The following CNGB3 variants were observed in gnomAD, a reference collection of about 807,000 sequenced individuals.
CNGB3 encodes cyclic nucleotide-gated channel beta-3.
Under a neutral mutation model 92.8 loss-of-function variants are expected in CNGB3, and 86 were observed. The observed-to-expected ratio is 0.93, with a 90% CI of 0.78 to 1.11. The LOEUF (loss-of-function observed/expected upper bound fraction) is 1.11. Among genes scored for constraint, CNGB3 ranks in the 50% least tolerant of loss-of-function variants. CNGB3 has a pLI of 0.00. For missense variants in CNGB3, 1,026 were observed against 956.8 expected (o/e 1.07, Z -0.95); for synonymous variants, 333 against 332.7 (o/e 1.00, Z -0.01).
intron 11 of CNGB3, among the ~76,000 whole-genome samples, chr8:86,630,625 G>T (rs1822944591): frequency 6.6e-6 from 1 of 152,164 alleles, no homozygotes; most frequent in African/African-American, 2.4e-5. Flanking sequence ...TCAGCATTTT[G>T]GGAGATGAGG....
rs752467829 is a variant in CNGB3 at position 86,578,655 on chromosome 8, C to T, written c.2103+34G>A. The T allele has an allele frequency of 1.6e-5, 26 of 1,609,952 alleles. 1 individual carries two copies. In the South Asian group the frequency reaches 2.3e-4, roughly 14 times the overall value. Reference sequence around the variant, plus strand: ...GTATATACTTAGTCTGGGGCCTTCTCCATGACAGCCGTCCATTCACTCCAC... The same window carrying T: ...GTATATACTTAGTCTGGGGCCTTCTTCATGACAGCCGTCCATTCACTCCAC... On this transcript the variant is annotated intron_variant, in intron 17 of 17. Coordinates refer to ENST00000320005, the MANE Select transcript of CNGB3 (RefSeq NM_019098.5).
intron 15 of CNGB3, among the ~76,000 whole-genome samples, chr8:86,590,464 G>T (rs1400525449): frequency 6.6e-6 from 1 of 152,116 alleles, no homozygotes; most frequent in African/African-American, 2.4e-5. Flanking sequence ...GCATGATTTT[G>T]CAGCGGCTGG....
intron 13 of CNGB3, among the ~76,000 whole-genome samples, chr8:86,623,893 T>C (rs1021909428): frequency 1.3e-5 from 2 of 152,208 alleles, no homozygotes; most frequent in Non-Finnish European, 2.9e-5. Flanking sequence ...GGTTTGAATA[T>C]ACCCAATATT....
chr8:86,714,929 G>T (rs1824822055), intron 3 of CNGB3, among the ~76,000 whole-genome samples: 1 of 151,930 alleles, frequency 6.6e-6, no homozygotes, highest in African/African-American at 2.4e-5. Context: ...ATCCCCCTGG[G>T]AATATAACTC....
intron 6 of CNGB3, among the ~76,000 whole-genome samples, chr8:86,663,866 G>T (rs982063654): frequency 6.6e-6 from 1 of 152,200 alleles, no homozygotes; most frequent in African/African-American, 2.4e-5. Flanking sequence ...CCTGTTGAGT[G>T]TGTTTTTTAC....
At chr8:86,608,270 C>T (rs1314502725) in intron 14 of CNGB3, among the ~76,000 whole-genome samples, 2 of 152,202 alleles carry the variant, frequency 1.3e-5, no homozygotes, top group African/African-American at 4.8e-5. Flanking sequence ...GCTGAGGGGA[C>T]ACAGTGAGAA....
At chr8:86,599,299 C>T (rs549968890) in intron 15 of CNGB3, among the ~76,000 whole-genome samples, 1 of 152,302 alleles carries the variant, frequency 6.6e-6, no homozygotes, top group Non-Finnish European at 1.5e-5. Context: ...TTAATCTCAT[C>T]ATCTTCGTAA....
At chr8:86,730,195 G>A (rs1005814564) in intron 2 of CNGB3, among the ~76,000 whole-genome samples, 2 of 152,200 alleles carry the variant, frequency 1.3e-5, no homozygotes, top group African/African-American at 4.8e-5. Flanking sequence ...GGAGACACGA[G>A]CAGGTGTGAA....
intron 6 of CNGB3, among the ~76,000 whole-genome samples, chr8:86,665,504 C>T (rs116150180): frequency 0.012 from 1,657 of 139,776 alleles, 32 homozygotes; most frequent in African/African-American, 0.043. Context: ...ATAGCAAAGA[C>T]ATGAAATCAT....
chr8:86,704,688 G>T (rs1799291677), intron 3 of CNGB3, among the ~76,000 whole-genome samples: 1 of 152,112 alleles, frequency 6.6e-6, no homozygotes, highest in South Asian at 2.1e-4. Flanking sequence ...TTTCAAGCTG[G>T]AACTCAAGAG....
intron 13 of CNGB3, among the ~76,000 whole-genome samples, chr8:86,620,978 A>G (rs543390187): frequency 6.6e-6 from 1 of 152,340 alleles, no homozygotes; most frequent in Admixed American, 6.5e-5. Flanking sequence ...TTTAACAGAA[A>G]TGTCAGGAAA....
At chr8:86,598,079 C>T (rs1331358594) in intron 15 of CNGB3, among the ~76,000 whole-genome samples, 2 of 152,198 alleles carry the variant, frequency 1.3e-5, no homozygotes, top group African/African-American at 4.8e-5. Context: ...TAGGCAGGGG[C>T]TAGACTCTAC....
chr8:86,597,253 CTG>C (rs1822192032), intron 15 of CNGB3, among the ~76,000 whole-genome samples: 1 of 152,132 alleles, frequency 6.6e-6, no homozygotes, highest in Admixed American at 6.5e-5. Context: ...TGAAAGGTAA[CTG>C]TGCATGAGAG....
chr8:86,671,156 A>G, intron 3 of CNGB3, 58 bp from the exon 4 acceptor site: 1 of 1,581,678 alleles, frequency 6.3e-7, no homozygotes, highest in African/African-American at 1.3e-5. Flanking sequence ...GATATAAGGG[A>G]AAGATTAAAT....
chr8:86,590,951 A>C (rs898003640), intron 15 of CNGB3, among the ~76,000 whole-genome samples: 19 of 151,426 alleles, frequency 1.3e-4, no homozygotes, highest in African/African-American at 4.6e-4. Flanking sequence ...ACTTGGTTCC[A>C]TTCTCCCCAT....
rs6995730 is a variant in CNGB3 at position 86,634,111 on chromosome 8, A to G, written c.1179-1218T>C. 4.1e-3 allele frequency among the ~76,000 whole-genome samples: 627 copies of G among 152,326 alleles called. 3 individuals are homozygous for G. The highest frequency in any genetic ancestry group is 0.014 in the African/African-American group (592 of 41,574). On this transcript the variant is annotated intron_variant, in intron 10 of 17. Coordinates refer to ENST00000320005, the MANE Select transcript of CNGB3 (RefSeq NM_019098.5). ...TATGATAAGGATTAGTAAAGAACATATAACATTTACTTAGCTATCCAGAGA... is the reference window on the plus strand; with the variant it reads ...TATGATAAGGATTAGTAAAGAACATGTAACATTTACTTAGCTATCCAGAGA...
chr8:86,585,174 CTGTG>C (rs1821868362), intron 15 of CNGB3, among the ~76,000 whole-genome samples: 1 of 152,084 alleles, frequency 6.6e-6, no homozygotes, highest in South Asian at 2.1e-4. Flanking sequence ...TATTCAGGGA[CTGTG>C]TAAGATAACT....
chr8:86,591,601 G>T (rs1052089472), intron 15 of CNGB3, among the ~76,000 whole-genome samples: 7 of 151,954 alleles, frequency 4.6e-5, no homozygotes, highest in African/African-American at 1.7e-4. Flanking sequence ...ACCCTGCCGT[G>T]TGAGGTGTCA....
intron 3 of CNGB3, among the ~76,000 whole-genome samples, chr8:86,721,791 T>C (rs577509655): frequency 6.6e-6 from 1 of 152,326 alleles, no homozygotes; most frequent in South Asian, 2.1e-4. Flanking sequence ...ACTTGATAGC[T>C]GACATTCCTT....
Sources: gnomAD v4.1 joint callset for allele counts (sites outside exome capture counted in the v4.1 genomes callset) on GRCh38, gnomAD v4.1.1 for gene constraint, MANE v1.5 for transcripts, NCBI Gene and HGNC (gene_info 2026-07-23, HGNC 2026-07-21) for gene names.